Variants in NDUFAF6 observed in about 807,000 individuals in gnomAD.
NDUFAF6 encodes the protein NADH dehydrogenase (ubiquinone) complex I, assembly factor 6.
NDUFAF6 carries 45 observed loss-of-function variants against 40.8 expected under a neutral mutation model. The ratio of observed to expected loss-of-function variants is 1.10; its 90% confidence interval spans 0.87 to 1.42. The LOEUF is 1.42. Among genes scored for constraint, NDUFAF6 ranks in the 40% most tolerant of loss-of-function variants. The probability of loss-of-function intolerance (pLI) is 0.00; values close to 1 mark genes in which losing one functional copy is unlikely to be tolerated. For synonymous variants in NDUFAF6, 185 were observed against 155.9 expected, an observed-to-expected ratio of 1.19 and a Z score of -1.39; for missense variants, 435 against 418.5, an observed-to-expected ratio of 1.04 and a Z score of -0.34.
intron 1 of NDUFAF6, among the ~76,000 whole-genome samples, chr8:95,027,538 C>G (rs977610224): frequency 6.6e-6 from 1 of 150,536 alleles, no homozygotes; most frequent in Non-Finnish European, 1.5e-5. Context: ...CAAGATCTTG[C>G]CACTGCACTC....
At chr8:94,947,038 G>T (rs1822080667) in intron 2 of NDUFAF6, among the ~76,000 whole-genome samples, 1 of 152,134 alleles carries the variant, frequency 6.6e-6, no homozygotes, top group South Asian at 2.1e-4. Context: ...ACGGGGCCTT[G>T]AAGTACTTAT....
intron 1 of NDUFAF6, among the ~76,000 whole-genome samples, chr8:94,903,632 G>C (rs1316370083): frequency 6.6e-6 from 1 of 152,094 alleles, no homozygotes; most frequent in Non-Finnish European, 1.5e-5. Flanking sequence ...GGGTTCGGGG[G>C]GAGTTTATAA....
intron 1 of NDUFAF6, among the ~76,000 whole-genome samples, chr8:94,974,374 T>C (rs1824747799): frequency 6.6e-6 from 1 of 152,144 alleles, no homozygotes; most frequent in Non-Finnish European, 1.5e-5. Context: ...CCTCACCTAC[T>C]TTCCTGATTC....
At chr8:94,917,943 T>C (rs1402122126) in intron 1 of NDUFAF6, among the ~76,000 whole-genome samples, 5 of 152,220 alleles carry the variant, frequency 3.3e-5, no homozygotes, top group Non-Finnish European at 5.9e-5. Context: ...TCATGGTCCC[T>C]CTGGGGGCTG....
At chr8:95,052,251 G>C in intron 8 of NDUFAF6, 21 bp downstream of exon 8, 1 of 1,610,378 alleles carries the variant, frequency 6.2e-7, no homozygotes, top group Admixed American at 1.7e-5. Context: ...TAACAGAGAA[G>C]GCTGTATAAT....
At chr8:95,104,425 G>T (rs1162716533), downstream of NDUFAF6, among the ~76,000 whole-genome samples, 2 of 152,106 alleles carry the variant, frequency 1.3e-5, no homozygotes, top group Non-Finnish European at 2.9e-5. Context: ...TACTTGCCTG[G>T]TCCCTGTACG....
At chr8:95,107,534 C>T (rs1194522179), downstream of NDUFAF6, among the ~76,000 whole-genome samples, 11 of 151,834 alleles carry the variant, frequency 7.2e-5, no homozygotes, top group South Asian at 4.2e-4. Flanking sequence ...ATGTAGATGA[C>T]GGGTTGATGG....
intron 2 of NDUFAF6, among the ~76,000 whole-genome samples, chr8:95,018,231 C>T (rs1392432773): frequency 1.3e-5 from 2 of 148,478 alleles, no homozygotes; most frequent in Non-Finnish European, 3.0e-5. Flanking sequence ...GAGATGGGGT[C>T]TCCCTATGTT....
chr8:94,966,691 T>G (rs1456026852), intron 1 of NDUFAF6, among the ~76,000 whole-genome samples: 1 of 152,238 alleles, frequency 6.6e-6, no homozygotes, highest in East Asian at 1.9e-4. Context: ...GGTTAGACTC[T>G]TGGCTTCATT....
At chr8:95,032,999 A>G (rs1259532731) in intron 2 of NDUFAF6, among the ~76,000 whole-genome samples, 2 of 152,186 alleles carry the variant, frequency 1.3e-5, no homozygotes, top group Non-Finnish European at 2.9e-5. Flanking sequence ...TTTAGCCATA[A>G]ATAGTTCCCA....
intron 1 of NDUFAF6, among the ~76,000 whole-genome samples, chr8:94,905,188 T>C (rs1586601794): frequency 6.6e-6 from 1 of 152,054 alleles, no homozygotes; most frequent in East Asian, 1.9e-4. Context: ...TAGGGGAGAC[T>C]ATGTCTCAAG....
Position 94,923,243 on chromosome 8 carries a change from G to T in NDUFAF6, c.-935-22240G>T, listed in dbSNP as rs1314293083. On this transcript the variant is annotated intron_variant, in intron 1 of 14. Transcript: ENST00000396113. Reference sequence around the variant, plus strand: ...GTGAGAAAAAGTTAGCAGAGTAGTGGTCCAAGATTGCTATATAGAGTCTGT... The same window carrying T: ...GTGAGAAAAAGTTAGCAGAGTAGTGTTCCAAGATTGCTATATAGAGTCTGT... 2.6e-5 allele frequency among the ~76,000 whole-genome samples: 4 copies of T among 152,256 alleles called. 1 individual carries two copies. The highest frequency in any genetic ancestry group is 9.6e-5 in the African/African-American group (4 of 41,554).
At chr8:95,030,317 C>G (rs1828681242) in intron 1 of NDUFAF6, among the ~76,000 whole-genome samples, 1 of 152,122 alleles carries the variant, frequency 6.6e-6, no homozygotes, top group African/African-American at 2.4e-5. Context: ...CCTTGAACTC[C>G]TGGGCTCAAG....
intron 2 of NDUFAF6, chr8:94,988,919 A>C (rs1826066601): frequency 1.3e-5 from 2 of 152,270 alleles, no homozygotes; most frequent in Middle Eastern, 3.1e-3. Context: ...GCTAAGTGAA[A>C]GAAGCCAGAC....
intron 1 of NDUFAF6, among the ~76,000 whole-genome samples, chr8:94,908,183 T>C (rs1300762446): frequency 6.6e-6 from 1 of 152,244 alleles, no homozygotes; most frequent in Non-Finnish European, 1.5e-5. Context: ...GTACCTCGCA[T>C]TGTGCCTGGC....
intron 1 of NDUFAF6, among the ~76,000 whole-genome samples, chr8:94,902,762 G>A (rs1250490576): frequency 6.9e-6 from 1 of 145,492 alleles, no homozygotes; most frequent in Non-Finnish European, 1.5e-5. Context: ...GGGGCACTGT[G>A]TCAGCTCACT....
intron 1 of NDUFAF6, chr8:94,932,024 C>A: frequency 1.3e-6 from 2 of 1,576,140 alleles, no homozygotes; most frequent in South Asian, 1.2e-5. Context: ...TCCTTTGCCT[C>A]CCTATGCATA....
At chr8:95,110,054 C>G (rs1401252517) in intron 4 of NDUFAF6, among the ~76,000 whole-genome samples, 1 of 152,188 alleles carries the variant, frequency 6.6e-6, no homozygotes, top group Non-Finnish European at 1.5e-5. Flanking sequence ...TATGTGTTAT[C>G]TGTGGACCTG....
At chr8:94,910,568 G>C (rs746777897) in intron 1 of NDUFAF6, among the ~76,000 whole-genome samples, 1 of 151,892 alleles carries the variant, frequency 6.6e-6, no homozygotes, top group Admixed American at 6.6e-5. Flanking sequence ...ACATTGCACA[G>C]AATCTAAAAG....
Sources: allele counts gnomAD v4.1 joint callset (sites outside exome capture counted in the v4.1 genomes callset), GRCh38; gene constraint gnomAD v4.1.1; transcripts MANE v1.5; gene names NCBI Gene and HGNC (gene_info 2026-07-23, HGNC 2026-07-21).